The following RNF135 variants were observed in gnomAD, a reference collection of about 807,000 sequenced individuals.
The protein encoded by RNF135 is E3 ubiquitin-protein ligase RNF135.
RNF135 carries 46 observed loss-of-function variants against 41.9 expected under a neutral mutation model. That is an observed-to-expected ratio of 1.10 (90% CI 0.87 to 1.40). The LOEUF is 1.40. Ranked by LOEUF, RNF135 falls within the 40% of genes most tolerant of loss-of-function variation. RNF135 has a pLI of 0.00. For synonymous variants in RNF135, 238 were observed against 223.8 expected (o/e 1.06, Z -0.57); for missense variants, 539 against 549.8 (o/e 0.98, Z 0.20).
At chr17:30,993,750 T>G in intron 3 of RNF135, 1 of 969,684 alleles carries the variant, frequency 1.0e-6, no homozygotes. Flanking sequence ...CAAATGCTTT[T>G]TAAAAAATTT....
chr17:30,989,303 G>A (rs1907828558), intron 3 of RNF135, among the ~76,000 whole-genome samples: 1 of 152,034 alleles, frequency 6.6e-6, no homozygotes, highest in Non-Finnish European at 1.5e-5. Flanking sequence ...CGGGTTCAAG[G>A]CTGAGTGATC....
intron 1 of RNF135, among the ~76,000 whole-genome samples, chr17:30,982,738 C>T (rs542875307): frequency 8.5e-5 from 13 of 152,252 alleles, no homozygotes; most frequent in African/African-American, 3.1e-4. Context: ...CTCTCTGGCC[C>T]TAAACCATTT....
intron 1 of RNF135, among the ~76,000 whole-genome samples, chr17:30,977,816 G>GCC (rs1892650186): frequency 2.0e-5 from 3 of 152,016 alleles, no homozygotes; most frequent in Admixed American, 2.0e-4. Flanking sequence ...TGATCCACCC[G>GCC]CCGTGGCCTC....
chr17:30,971,707 T>C, intron 1 of RNF135: 1 of 1,322,138 alleles, frequency 7.6e-7, no homozygotes. Context: ...TTCTTCCCAA[T>C]CGATCTTCGG....
chr17:30,996,170 A>G (rs1444460217), intron 3 of RNF135, among the ~76,000 whole-genome samples: 1 of 149,470 alleles, frequency 6.7e-6, no homozygotes, highest in Admixed American at 6.7e-5. Context: ...GCTGACTGCA[A>G]ACTCCGCCTC....
At chr17:30,975,789 C>A (rs1236900616) in intron 1 of RNF135, 3 of 1,070,608 alleles carry the variant, frequency 2.8e-6, no homozygotes, top group Admixed American at 3.5e-5. Context: ...ATCCTGTACC[C>A]CAACATCAAG....
intron 1 of RNF135, among the ~76,000 whole-genome samples, chr17:30,973,834 T>C (rs1293652445): frequency 2.0e-5 from 3 of 152,206 alleles, no homozygotes; most frequent in Admixed American, 1.3e-4. Flanking sequence ...TTTTTGTATA[T>C]GGTGTGAATT....
chr17:30,980,472 CGGACG>C (rs1165440464), intron 1 of RNF135, among the ~76,000 whole-genome samples: 1 of 136,586 alleles, frequency 7.3e-6, no homozygotes, highest in East Asian at 2.3e-4. Context: ...CCTCACCTCC[CGGACG>C]GGGCGGCTGG....
chr17:30,964,304 G>A, the RNF135 span, among the ~76,000 whole-genome samples: 3 of 144,442 alleles, frequency 2.1e-5, no homozygotes, highest in Admixed American at 7.1e-5. Context: ...CAGGAGAATC[G>A]CTTGAACCCG....
chr17:30,971,198 G>T lies in RNF135; in HGVS notation c.125G>T (p.Arg42Leu). ...CTGCCCTGCGGCCACAGCTTCTGCC[G>T]CCACTGCCTGGAGGCCCTGTGGGGC... ...ATLPCGHSFC[R>L]HCLEALWGAR... is the part of the protein sequence containing the mutation. The change falls in exon 1 of 5, where the codon CGC (arginine) becomes CTC (leucine). Residue 42 changes from arginine (R) to leucine (L), a missense_variant. Around this residue, in one of 2 missense-constraint regions of RNF135, gnomAD observed 277 missense variants for 212.8 expected, o/e 1.30. Transcript: ENST00000328381. 6.6e-7 allele frequency: 1 copy of T among 1,524,028 alleles called. No individual in the cohort carries two copies. 94.4% of individuals were successfully genotyped at this position (1,524,028 alleles called of 1,614,324 possible).
chr17:30,967,631 C>T (rs560583141), upstream of RNF135, among the ~76,000 whole-genome samples: 84 of 151,752 alleles, frequency 5.5e-4, no homozygotes, highest in African/African-American at 1.9e-3. Flanking sequence ...AAATATATTG[C>T]TTTGGAATGT....
At chr17:30,968,433 TG>T (rs1954518722), upstream of RNF135, among the ~76,000 whole-genome samples, 1 of 150,872 alleles carries the variant, frequency 6.6e-6, no homozygotes, top group Non-Finnish European at 1.5e-5. Flanking sequence ...TCGCCCAGGC[TG>T]GAGTGCAGTG....
At chr17:30,968,134 CA>C (rs746198698), upstream of RNF135, among the ~76,000 whole-genome samples, 2 of 151,162 alleles carry the variant, frequency 1.3e-5, no homozygotes, top group Non-Finnish European at 3.0e-5. Flanking sequence ...ACTAAAAATA[CA>C]AAATTAGCCG....
intron 1 of RNF135, chr17:30,975,789 C>G: frequency 1.9e-6 from 2 of 1,070,726 alleles, no homozygotes; most frequent in Non-Finnish European, 2.9e-6. Flanking sequence ...ATCCTGTACC[C>G]CAACATCAAG....
Position 30,971,316 on chromosome 17 carries a change from G to GGCCGACAAGT in RNF135, c.244_253dup (p.Tyr85CysfsTer122). 6.5e-7 allele frequency: 1 copy of GGCCGACAAGT among 1,534,016 alleles called. No individual in the cohort carries two copies. Among genetic ancestry groups the GGCCGACAAGT allele is most frequent in the Non-Finnish European group, 8.7e-7 (1 of 1,143,626 alleles). On this transcript the variant is annotated frameshift_variant, in exon 1 of 5. Coordinates refer to ENST00000328381, the MANE Select transcript of RNF135 (RefSeq NM_032322.4). LOFTEE classifies it high-confidence loss of function. ...GGAAGAACACGCTACTGCAGGACCTGGCCGACAAGTACCGCCGCGCCGCAC... is the reference window on the plus strand; with the variant it reads ...GGAAGAACACGCTACTGCAGGACCTGGCCGACAAGTGCCGACAAGTACCGCCGCGCCGCAC...
At chr17:30,966,557 C>T (rs148547818), upstream of RNF135, among the ~76,000 whole-genome samples, 650 of 151,270 alleles carry the variant, frequency 4.3e-3, 25 homozygotes, top group Admixed American at 0.035. Flanking sequence ...TGCAGTGGCG[C>T]GATCTTGGCT....
intron 2 of RNF135, among the ~76,000 whole-genome samples, chr17:30,985,747 A>G (rs1176630372): frequency 1.3e-5 from 2 of 151,932 alleles, no homozygotes; most frequent in Non-Finnish European, 2.9e-5. Flanking sequence ...AAAACATTCA[A>G]ATTACATCAG....
intron 1 of RNF135, chr17:30,978,935 G>A (rs978831048): frequency 1.9e-5 from 4 of 213,544 alleles, no homozygotes; most frequent in South Asian, 5.3e-5. Context: ...TAAGGTCACA[G>A]ATCTACAGGA....
At chr17:30,994,322 C>T (rs1261828656) in intron 3 of RNF135, among the ~76,000 whole-genome samples, 1 of 152,060 alleles carries the variant, frequency 6.6e-6, no homozygotes. Context: ...GTGGGCAGAT[C>T]AGTTGAGTCC....
Sources: gnomAD v4.1 joint callset for allele counts (sites outside exome capture counted in the v4.1 genomes callset) on GRCh38, gnomAD v4.1.1 for gene constraint, gnomAD v4.1.1 regional missense constraint, MANE v1.5 for transcripts, NCBI Gene and HGNC (gene_info 2026-07-23, HGNC 2026-07-21) for gene names.